Variants in LYPLA1 observed in about 807,000 individuals in gnomAD.
LYPLA1 encodes acyl-protein thioesterase 1.
A neutral mutation model predicts 34.0 loss-of-function variants in LYPLA1; 17 were observed. The observed-to-expected ratio is 0.50, with a 90% CI of 0.34 to 0.75. The LOEUF is 0.75. Among genes scored for constraint, LYPLA1 ranks in the 30% least tolerant of loss-of-function variants. The pLI is 0.01. For synonymous variants in LYPLA1, 98 were observed against 100.8 expected (o/e 0.97, Z 0.17); for missense variants, 203 against 288.8 (o/e 0.70, Z 2.15).
chr8:54,096,260 T>C (rs1809674752), intron 2 of LYPLA1, among the ~76,000 whole-genome samples: 1 of 152,176 alleles, frequency 6.6e-6, no homozygotes. Flanking sequence ...AAATGAAAAG[T>C]TAAAAAGTTT....
At chr8:54,099,497 G>A (rs1809948703) in intron 2 of LYPLA1, among the ~76,000 whole-genome samples, 1 of 152,060 alleles carries the variant, frequency 6.6e-6, no homozygotes, top group South Asian at 2.1e-4. Flanking sequence ...AACCAACATG[G>A]CAAAACTCTG....
At chr8:54,075,146 G>C (rs1012918280) in intron 2 of LYPLA1, among the ~76,000 whole-genome samples, 3 of 152,200 alleles carry the variant, frequency 2.0e-5, no homozygotes, top group African/African-American at 7.2e-5. Flanking sequence ...ACTGAACCTA[G>C]CATTATTAAC....
chr8:54,094,255 A>G (rs1390087934), intron 2 of LYPLA1, among the ~76,000 whole-genome samples: 1 of 152,176 alleles, frequency 6.6e-6, no homozygotes, highest in Non-Finnish European at 1.5e-5. Context: ...AGGGGGACAC[A>G]TGAAGAGAAC....
chr8:54,084,314 T>G (rs1404714434), intron 2 of LYPLA1, among the ~76,000 whole-genome samples: 1 of 151,936 alleles, frequency 6.6e-6, no homozygotes, highest in African/African-American at 2.4e-5. Flanking sequence ...CTCACGCCTG[T>G]ATTCCCAGCA....
intron 2 of LYPLA1, among the ~76,000 whole-genome samples, chr8:54,068,715 A>C (rs914591904): frequency 6.0e-5 from 9 of 150,368 alleles, no homozygotes; most frequent in African/African-American, 1.9e-4. Context: ...GTAAGAGATA[A>C]AACTATAAAA....
intron 2 of LYPLA1, among the ~76,000 whole-genome samples, chr8:54,090,580 C>T (rs1184225207): frequency 2.6e-5 from 4 of 152,194 alleles, no homozygotes; most frequent in Non-Finnish European, 4.4e-5. Context: ...AACCTACCCC[C>T]GCCCTCACTA....
At chr8:54,059,874 T>C (rs1394708321) in intron 5 of LYPLA1, among the ~76,000 whole-genome samples, 1 of 152,134 alleles carries the variant, frequency 6.6e-6, no homozygotes, top group East Asian at 1.9e-4. Flanking sequence ...TGAGATATGA[T>C]CACCAACTGT....
intron 2 of LYPLA1, among the ~76,000 whole-genome samples, chr8:54,071,368 A>T (rs960472588): frequency 3.3e-5 from 5 of 152,094 alleles, no homozygotes; most frequent in Admixed American, 1.3e-4. Context: ...GTTATGTACA[A>T]GTATCCTTGT....
At chr8:54,043,033 C>T (rs1008741489), downstream of LYPLA1, 5 of 152,174 alleles carry the variant, frequency 3.3e-5, no homozygotes, top group East Asian at 9.6e-4. Flanking sequence ...TTTCATTCAA[C>T]ATTTGGGTTG....
chr8:54,091,266 T>A (rs960396403), intron 2 of LYPLA1, among the ~76,000 whole-genome samples: 1 of 151,278 alleles, frequency 6.6e-6, no homozygotes, highest in Non-Finnish European at 1.5e-5. Flanking sequence ...GGTGGGCGGA[T>A]CACCTGAGGT....
intron 3 of LYPLA1, among the ~76,000 whole-genome samples, chr8:54,063,753 G>C (rs946904097): frequency 6.6e-5 from 10 of 152,202 alleles, no homozygotes; most frequent in African/African-American, 1.9e-4. Context: ...CACTGATACT[G>C]TAGCATCAAT....
chr8:54,053,671 G>A (rs1432377254), intron 6 of LYPLA1: 2 of 456,118 alleles, frequency 4.4e-6, no homozygotes, highest in Non-Finnish European at 8.8e-6. Context: ...GGCTACACCT[G>A]TAACATGTAA....
At chr8:54,089,607 T>C (rs1030566534) in intron 2 of LYPLA1, among the ~76,000 whole-genome samples, 1 of 150,716 alleles carries the variant, frequency 6.6e-6, no homozygotes, top group Non-Finnish European at 1.5e-5. Flanking sequence ...AATTGAACCA[T>C]GGGCCCTTGT....
chr8:54,079,018 C>T (rs550960159), intron 2 of LYPLA1, among the ~76,000 whole-genome samples: 6 of 152,140 alleles, frequency 3.9e-5, no homozygotes, highest in African/African-American at 1.2e-4. Flanking sequence ...GACAGTTTTG[C>T]TCTGTCGTCC....
downstream of LYPLA1, among the ~76,000 whole-genome samples, chr8:54,045,329 C>T (rs1480000157): frequency 6.6e-6 from 1 of 152,132 alleles, no homozygotes; most frequent in Non-Finnish European, 1.5e-5. Context: ...CAACAGTAGG[C>T]AAATTACCCA....
chr8:54,084,749 A>C (rs1808579222), intron 2 of LYPLA1, among the ~76,000 whole-genome samples: 1 of 152,240 alleles, frequency 6.6e-6, no homozygotes, highest in Non-Finnish European at 1.5e-5. Context: ...AGATTATAAG[A>C]GAACAGTATG....
chr8:54,044,704 C>A (rs1027262268), downstream of LYPLA1: 2 of 151,966 alleles, frequency 1.3e-5, no homozygotes, highest in East Asian at 3.9e-4. Context: ...TGGGAAGCTG[C>A]GGTGAGATCA....
At chr8:54,084,744 A>G (rs557640207) in intron 2 of LYPLA1, among the ~76,000 whole-genome samples, 2 of 152,244 alleles carry the variant, frequency 1.3e-5, no homozygotes, top group Admixed American at 6.5e-5. Context: ...AGAAAAGATT[A>G]TAAGAGAACA....
chr8:54,080,039 A>G (rs1002809714), intron 2 of LYPLA1, among the ~76,000 whole-genome samples: 1 of 152,154 alleles, frequency 6.6e-6, no homozygotes, highest in Non-Finnish European at 1.5e-5. Flanking sequence ...GTATTATTTC[A>G]GCTAATTATA....
Sources: allele counts gnomAD v4.1 joint callset (sites outside exome capture counted in the v4.1 genomes callset), GRCh38; gene constraint gnomAD v4.1.1; transcripts MANE v1.5; gene names NCBI Gene and HGNC (gene_info 2026-07-23, HGNC 2026-07-21).